Variants in TCF20 observed in about 807,000 individuals in gnomAD.
TCF20 encodes the protein SPRE-binding protein.
In TCF20, 3 loss-of-function variants were observed where a neutral mutation model predicts 148.6. The ratio of observed to expected loss-of-function variants is 0.02; its 90% CI spans 0.01 to 0.05. TCF20 has a LOEUF of 0.05. Ranked by LOEUF, TCF20 falls within the 10% of genes least tolerant of loss-of-function variation. The pLI is 1.00. For synonymous variants in TCF20, 1,049 were observed against 909.5 expected (o/e 1.15, Z -2.76); for missense variants, 2,350 against 2,429.3 (o/e 0.97, Z 0.69).
chr22:42,339,595 T>C (rs575016182), intron 1 of TCF20, among the ~76,000 whole-genome samples: 3 of 152,336 alleles, frequency 2.0e-5, no homozygotes, highest in Admixed American at 2.0e-4. Flanking sequence ...TGCGTCAGCA[T>C]GTGCTGGACA....
chr22:42,331,184 G>A (rs982834624), intron 1 of TCF20, among the ~76,000 whole-genome samples: 5 of 152,202 alleles, frequency 3.3e-5, no homozygotes, highest in African/African-American at 4.8e-5. Flanking sequence ...CGCGGAGCGC[G>A]ACTGTCAACC....
rs919304205 is a variant in TCF20 at position 42,283,392 on chromosome 22, C to CG, written c.-37+434dup. Reference sequence around the variant, plus strand: ...GCGGCTGGATCTGGACCGGAGGGGACGGGGGCGCGGCTGGATCTGGACCGG... The same window carrying CG: ...GCGGCTGGATCTGGACCGGAGGGGACGGGGGGCGCGGCTGGATCTGGACCGG... On this transcript the variant is annotated intron_variant, in intron 1 of 5. Coordinates refer to the TCF20 transcript ENST00000359486. 6.0e-5 allele frequency among the ~76,000 whole-genome samples: 9 copies of CG among 150,920 alleles called. No homozygotes were observed. The South Asian group carries it at 8.4e-4, about 14-fold the overall frequency.
chr22:42,240,917 G>A (rs1217115868), intron 1 of TCF20, among the ~76,000 whole-genome samples: 1 of 151,454 alleles, frequency 6.6e-6, no homozygotes, highest in Non-Finnish European at 1.5e-5. Flanking sequence ...GTGCAGTGGC[G>A]CCATCTCAGT....
intron 1 of TCF20, among the ~76,000 whole-genome samples, chr22:42,335,280 G>GCCA: frequency 6.6e-6 from 1 of 152,148 alleles, no homozygotes; most frequent in South Asian, 2.1e-4. Flanking sequence ...AGGCTCCCTG[G>GCCA]CCACCCTGCC....
chr22:42,305,633 G>A (rs1927417477), intron 1 of TCF20, among the ~76,000 whole-genome samples: 1 of 152,076 alleles, frequency 6.6e-6, no homozygotes. Context: ...CAGGATGGGG[G>A]ACCACTTTCC....
At chr22:42,202,098 C>G (rs1168069569) in intron 2 of TCF20, among the ~76,000 whole-genome samples, 2 of 152,082 alleles carry the variant, frequency 1.3e-5, no homozygotes, top group Admixed American at 6.6e-5. Context: ...TTATTTCCAC[C>G]AAGGACAACT....
At chr22:42,206,313 T>C (rs185509730) in intron 2 of TCF20, among the ~76,000 whole-genome samples, 1 of 152,106 alleles carries the variant, frequency 6.6e-6, no homozygotes, top group Admixed American at 6.5e-5. Flanking sequence ...CCCAACACTC[T>C]AGGAGGTCAA....
chr22:42,294,745 T>C (rs984857037), intron 1 of TCF20, among the ~76,000 whole-genome samples: 44 of 152,314 alleles, frequency 2.9e-4, no homozygotes, highest in African/African-American at 1.0e-3. Context: ...ATGAGGACAA[T>C]GAGGCTCAGA....
chr22:42,210,102 T>G lies in TCF20; in HGVS notation c.5204A>C (p.Lys1735Thr). 1 of 1,614,130 alleles carries G rather than the reference T, an allele frequency of 6.2e-7. No homozygotes were observed. The highest frequency in any genetic ancestry group is 8.5e-7 in the Non-Finnish European group (1 of 1,180,028). The change falls in exon 2 of 6, where the codon AAG (lysine) becomes ACG (threonine). Residue 1735 changes from lysine (K) to threonine (T), a missense_variant. This residue lies in a region of TCF20 where 374 missense variants were observed against 398.3 expected (regional missense o/e 0.94). Coordinates refer to ENST00000677622, the MANE Select transcript of TCF20 (RefSeq NM_001378418.1). The surrounding 1 kb of genome is among the most constrained non-coding windows in gnomAD (Gnocchi z 4.7). ...TGTGGCCCTCTTAGGAGGTGGATTC[T>G]TCGGGAGAGTGGCTGCATAATCTTG... Reference protein sequence around the residue: ...YPQDYAATLPKNPPPKRATEM... With the variant: ...YPQDYAATLPTNPPPKRATEM...
chr22:42,298,902 C>A (rs1174918558), intron 1 of TCF20, among the ~76,000 whole-genome samples: 2 of 152,242 alleles, frequency 1.3e-5, no homozygotes, highest in African/African-American at 4.8e-5. Context: ...CAGGAGCCAT[C>A]CCTGCCTCAA....
chr22:42,190,478 A>C (rs1041952066), intron 2 of TCF20, among the ~76,000 whole-genome samples: 4 of 150,238 alleles, frequency 2.7e-5, no homozygotes, highest in Admixed American at 6.7e-5. Context: ...ACACACACAC[A>C]CCCTGCACAT....
intron 1 of TCF20, chr22:42,278,240 C>T (rs1267444090): frequency 1.3e-5 from 2 of 152,210 alleles, no homozygotes; most frequent in African/African-American, 4.8e-5. Flanking sequence ...CTCAAGGTTA[C>T]AAAGCATGTT....
In TCF20 at chr22:42,210,106, G is replaced by A. The variant is rs568940940; in HGVS notation, c.5200C>T (p.Pro1734Ser). 1 of 1,614,058 alleles carries A rather than the reference G, an allele frequency of 6.2e-7. No homozygotes were observed. The highest frequency in any genetic ancestry group is 1.7e-5 in the Admixed American group (1 of 60,014). ...FYPQDYAATL[P>S]KNPPPKRATE... Reference sequence around the variant, plus strand: ...GCCCTCTTAGGAGGTGGATTCTTCGGGAGAGTGGCTGCATAATCTTGGGGA... The same window carrying A: ...GCCCTCTTAGGAGGTGGATTCTTCGAGAGAGTGGCTGCATAATCTTGGGGA... Residue 1734 changes from proline to serine, a missense_variant, in exon 2 of 6, where the codon CCG becomes TCG. Pro to Ser is a moderately conservative substitution (Grantham distance 74). Transcript: ENST00000677622. The surrounding 1 kb of genome is among the most constrained non-coding windows in gnomAD (Gnocchi z 4.7).
rs754165410 is a variant in TCF20 at position 42,212,418 on chromosome 22, C to T, written c.2888G>A (p.Gly963Asp). The T allele has an allele frequency of 2.5e-6, 4 of 1,614,222 alleles. No individual in the cohort carries two copies. Among genetic ancestry groups the T allele is most frequent in the Non-Finnish European group, 3.4e-6 (4 of 1,180,044 alleles). ...PPSIKHESYR[G>D]NASPGAATHD... ...GGTTGCTGCTCCAGGGCTGGCATTGCCGCGGTAAGACTCATGCTTGATGCT... is the reference window on the plus strand; with the variant it reads ...GGTTGCTGCTCCAGGGCTGGCATTGTCGCGGTAAGACTCATGCTTGATGCT... The change falls in exon 2 of 6, where the codon GGC becomes GAC. Residue 963 changes from glycine to aspartate, a missense_variant. Transcript: ENST00000677622.
chr22:42,189,697 C>T (rs1937231116), intron 2 of TCF20, among the ~76,000 whole-genome samples: 1 of 152,080 alleles, frequency 6.6e-6, no homozygotes, highest in South Asian at 2.1e-4. Context: ...AAAATAAATC[C>T]CTGCTAGCAA....
At chr22:42,276,135 C>T (rs902863166) in intron 1 of TCF20, among the ~76,000 whole-genome samples, 1 of 152,230 alleles carries the variant, frequency 6.6e-6, no homozygotes, top group East Asian at 1.9e-4. Context: ...CATGCTGAGG[C>T]ATGCTGGGAA....
chr22:42,209,393 CG>C (rs1200771457), intron 2 of TCF20, among the ~76,000 whole-genome samples: 1 of 152,072 alleles, frequency 6.6e-6, no homozygotes, highest in Non-Finnish European at 1.5e-5. Flanking sequence ...GGAAAGTGTG[CG>C]TTAGAAAAGA....
chr22:42,250,883 G>C (rs1242757314), intron 1 of TCF20, among the ~76,000 whole-genome samples: 1 of 152,202 alleles, frequency 6.6e-6, no homozygotes, highest in Non-Finnish European at 1.5e-5. Context: ...GGCAAAGGGG[G>C]AACAGGCACA....
chr22:42,254,735 G>C (rs1267903220), intron 1 of TCF20, among the ~76,000 whole-genome samples: 1 of 152,178 alleles, frequency 6.6e-6, no homozygotes, highest in Non-Finnish European at 1.5e-5. Flanking sequence ...GAGAGGCCGT[G>C]ACAGGCAGAT....
Sources: gnomAD v4.1 joint callset for allele counts (sites outside exome capture counted in the v4.1 genomes callset) on GRCh38, gnomAD v4.1.1 for gene constraint, gnomAD v4.1.1 regional missense constraint, Gnocchi (gnomAD v3.1) non-coding constraint, MANE v1.5 for transcripts, NCBI Gene and HGNC (gene_info 2026-07-23, HGNC 2026-07-21) for gene names.